Variants in KALRN observed in about 807,000 individuals in gnomAD.
KALRN encodes the protein kalirin.
In KALRN, 70 loss-of-function variants were observed where a neutral mutation model predicts 353.7. That is an observed-to-expected ratio of 0.20 (90% CI 0.16 to 0.24). KALRN has a LOEUF of 0.24. Among genes scored for constraint, KALRN ranks in the 10% least tolerant of loss-of-function variants. The pLI, the probability that KALRN is intolerant of heterozygous loss-of-function variation, is 1.00. For missense variants in KALRN, 2,791 were observed against 3,756.7 expected (o/e 0.74, Z 6.72); for synonymous variants, 1,391 against 1,434.8 (o/e 0.97, Z 0.69).
At chr3:124,668,672 A>G (rs913981783) in intron 47 of KALRN, among the ~76,000 whole-genome samples, 2 of 152,250 alleles carry the variant, frequency 1.3e-5, no homozygotes, top group Non-Finnish European at 2.9e-5. Flanking sequence ...AATTTGGTGA[A>G]AAACAACTAG....
At chr3:124,623,425 C>CAA (rs200947454) in intron 34 of KALRN, among the ~76,000 whole-genome samples, 539 of 147,614 alleles carry the variant, frequency 3.7e-3, no homozygotes, top group Middle Eastern at 0.01. Context: ...CACACACACA[C>CAA]ACAAAAGGGA....
At chr3:124,548,975 T>A (rs2070080487) in intron 33 of KALRN, among the ~76,000 whole-genome samples, 1 of 152,210 alleles carries the variant, frequency 6.6e-6, no homozygotes, top group African/African-American at 2.4e-5. Flanking sequence ...AATCTTTAAT[T>A]GAAACAGCAG....
At chr3:124,633,633 G>GA (rs2081029537) in intron 35 of KALRN, among the ~76,000 whole-genome samples, 1 of 82,774 alleles carries the variant, frequency 1.2e-5, no homozygotes, top group East Asian at 1.0e-3. Flanking sequence ...GCTTCTTTTT[G>GA]GGGGTGTGTG....
chr3:124,679,632 G>A (rs751472658), intron 51 of KALRN, 115 bp downstream of exon 51: 20 of 869,492 alleles, frequency 2.3e-5, no homozygotes, highest in Non-Finnish European at 4.0e-5. Flanking sequence ...TGATGTTGGG[G>A]CATCTCTGGG....
At chr3:124,141,533 A>T (rs369446919) in intron 1 of KALRN, among the ~76,000 whole-genome samples, 66 of 152,182 alleles carry the variant, frequency 4.3e-4, no homozygotes, top group Middle Eastern at 3.4e-3. Context: ...TCCTTCTTCC[A>T]CAGAATCCCC....
At chr3:124,648,342 A>G (rs943774269) in intron 37 of KALRN, among the ~76,000 whole-genome samples, 1 of 152,238 alleles carries the variant, frequency 6.6e-6, no homozygotes, top group African/African-American at 2.4e-5. Flanking sequence ...TACTTTGCTT[A>G]TAGAACAGGT....
chr3:124,437,689 CAAAAAA>C (rs397876079), intron 17 of KALRN, among the ~76,000 whole-genome samples: 21 of 48,330 alleles, frequency 4.3e-4, no homozygotes, highest in African/African-American at 1.6e-3. Context: ...GATTCCGTCT[CAAAAAA>C]AAAAAAAAAA....
At chr3:124,333,807 G>C (rs563471280) in intron 8 of KALRN, among the ~76,000 whole-genome samples, 1 of 152,324 alleles carries the variant, frequency 6.6e-6, no homozygotes, top group African/African-American at 2.4e-5. Context: ...AGAATCGCTT[G>C]AACCCGGGAG....
chr3:124,079,983 G>A (rs1382077089), intron 1 of KALRN: 1 of 468,868 alleles, frequency 2.1e-6, no homozygotes, highest in Non-Finnish European at 4.4e-6. Flanking sequence ...TTATTCTGAT[G>A]TCATGCTTCT....
chr3:124,174,894 C>G (rs2072442537), intron 1 of KALRN, among the ~76,000 whole-genome samples: 1 of 152,218 alleles, frequency 6.6e-6, no homozygotes, highest in African/African-American at 2.4e-5. Context: ...AAGCTAGTCA[C>G]CATCTTCAGA....
chr3:124,247,490 G>A (rs1579993761), intron 3 of KALRN, among the ~76,000 whole-genome samples: 1 of 151,290 alleles, frequency 6.6e-6, no homozygotes, highest in East Asian at 1.9e-4. Context: ...GCTATTTTGG[G>A]GATATAAATA....
In KALRN at chr3:124,345,728, C is replaced by T. The variant is rs138926049; in HGVS notation, c.1648-1415C>T. Among the ~76,000 whole-genome samples the T allele has an allele frequency of 5.7e-3, 861 of 152,266 alleles. 8 individuals carry two copies. The highest frequency in any genetic ancestry group is 0.024 in the Middle Eastern group (7 of 294). ...CATTAAGTGGATATTTGTTAAGCCT[C>T]ATTTTTATATTCATATATACCTTTC... On this transcript the variant is annotated intron_variant, in intron 9 of 59. Coordinates refer to ENST00000682506, the MANE Select transcript of KALRN (RefSeq NM_001388419.1).
intron 41 of KALRN, among the ~76,000 whole-genome samples, 161 bp downstream of exon 41, chr3:124,657,964 G>A (rs571467832): frequency 6.6e-6 from 1 of 152,226 alleles, no homozygotes; most frequent in East Asian, 1.9e-4. Flanking sequence ...ACCAGCCTGG[G>A]CAACATAGTG....
At chr3:124,177,583 C>T (rs1356898232) in intron 1 of KALRN, among the ~76,000 whole-genome samples, 1 of 152,170 alleles carries the variant, frequency 6.6e-6, no homozygotes, top group Non-Finnish European at 1.5e-5. Context: ...AGATTACCCA[C>T]ATGGTGATAC....
intron 34 of KALRN, among the ~76,000 whole-genome samples, chr3:124,602,138 T>G (rs1304489676): frequency 6.6e-6 from 1 of 152,150 alleles, no homozygotes; most frequent in Non-Finnish European, 1.5e-5. Flanking sequence ...GAAATGACAT[T>G]TTGGCTAAAT....
At chr3:124,172,344 G>A (rs2071970048) in intron 1 of KALRN, among the ~76,000 whole-genome samples, 2 of 152,282 alleles carry the variant, frequency 1.3e-5, no homozygotes, top group East Asian at 3.9e-4. Context: ...GCTTATCCCA[G>A]TAGGATAAAT....
At chr3:124,593,422 G>T (rs551122586) in intron 34 of KALRN, among the ~76,000 whole-genome samples, 1 of 152,286 alleles carries the variant, frequency 6.6e-6, no homozygotes, top group South Asian at 2.1e-4. Flanking sequence ...TGAGGGATGG[G>T]CTCTAGCAGT....
rs1402769598 is a variant in KALRN, at chr3:124,434,440, T to G, written c.2963T>G (p.Leu988Arg). Reference sequence around the variant, plus strand: ...CGGGAATGTGCTGAGAAGGTGGCCCTCCACTGGCAGCAGCTCATGCTGAAG... The same window carrying G: ...CGGGAATGTGCTGAGAAGGTGGCCCGCCACTGGCAGCAGCTCATGCTGAAG... The part of the protein sequence containing the change: ...AIRECAEKVA[L>R]HWQQLMLKME... The change falls in exon 17 of 60, where the codon CTC becomes CGC. Residue 988 changes from leucine to arginine, a missense_variant. This residue lies in a region of KALRN where 452 missense variants were observed against 575.8 expected (regional missense o/e 0.78). Transcript: ENST00000682506. The G allele has an allele frequency of 1.2e-6, 2 of 1,614,082 alleles. No individual in the cohort carries two copies. Among genetic ancestry groups the G allele is most frequent in the Non-Finnish European group, 1.7e-6 (2 of 1,180,022 alleles).
At chr3:124,692,183 GC>G (rs1227509387) in intron 51 of KALRN, among the ~76,000 whole-genome samples, 2 of 152,244 alleles carry the variant, frequency 1.3e-5, no homozygotes, top group Admixed American at 1.3e-4. Context: ...TTTTAAGGCT[GC>G]CCAGGTCAGG....
Sources: allele counts gnomAD v4.1 joint callset (sites outside exome capture counted in the v4.1 genomes callset), GRCh38; gene constraint gnomAD v4.1.1; regional missense constraint gnomAD v4.1.1; transcripts MANE v1.5; gene names NCBI Gene and HGNC (gene_info 2026-07-23, HGNC 2026-07-21).